Variants in BMP6 observed in about 807,000 individuals in gnomAD.
BMP6 encodes VG-1-R.
Under a neutral mutation model 54.1 loss-of-function variants are expected in BMP6, and 17 were observed. That is an observed-to-expected ratio of 0.31 (90% CI 0.22 to 0.47). BMP6 has a LOEUF of 0.47. BMP6 is among the 20% of genes least tolerant of loss of function. BMP6 has a pLI of 1.00. For synonymous variants in BMP6, 328 were observed against 291.2 expected (o/e 1.13, Z -1.28); for missense variants, 720 against 690.4 (o/e 1.04, Z -0.48).
At chr6:7,876,709 C>T (rs139749466) in intron 4 of BMP6, among the ~76,000 whole-genome samples, 1 of 152,138 alleles carries the variant, frequency 6.6e-6, no homozygotes, top group African/African-American at 2.4e-5. Context: ...TTAATCTGAT[C>T]TTTAGTTATA....
At chr6:7,836,106 G>A (rs1010806076) in intron 1 of BMP6, among the ~76,000 whole-genome samples, 1 of 152,016 alleles carries the variant, frequency 6.6e-6, no homozygotes, top group African/African-American at 2.4e-5. Context: ...CCAAAGTGCT[G>A]GAATTACCCG....
intron 4 of BMP6, among the ~76,000 whole-genome samples, chr6:7,872,804 CT>C (rs1035204084): frequency 1.1e-4 from 13 of 114,536 alleles, no homozygotes; most frequent in Middle Eastern, 4.1e-3. Flanking sequence ...CAATCCAATT[CT>C]TTTTTTTTCT....
intron 1 of BMP6, among the ~76,000 whole-genome samples, chr6:7,781,958 T>C (rs911727240): frequency 2.6e-5 from 4 of 151,412 alleles, no homozygotes; most frequent in Admixed American, 6.6e-5. Flanking sequence ...GTGGTGAGGA[T>C]GGTAGGGGCT....
intron 1 of BMP6, among the ~76,000 whole-genome samples, chr6:7,801,574 G>A (rs1758270523): frequency 1.3e-5 from 2 of 152,246 alleles, no homozygotes; most frequent in Admixed American, 1.3e-4. Flanking sequence ...TGTGACCTCA[G>A]TGGGTTCTGT....
chr6:7,838,471 A>G (rs953111556), intron 1 of BMP6, among the ~76,000 whole-genome samples: 6 of 152,216 alleles, frequency 3.9e-5, no homozygotes, highest in Non-Finnish European at 7.3e-5. Flanking sequence ...AATAGTAAAT[A>G]TATGAAAGCA....
intron 1 of BMP6, among the ~76,000 whole-genome samples, chr6:7,738,732 G>T (rs1350991454): frequency 6.6e-6 from 1 of 152,174 alleles, no homozygotes; most frequent in African/African-American, 2.4e-5. Flanking sequence ...TGACGTATAA[G>T]GAACAGCTTA....
chr6:7,797,044 G>A (rs936373003), intron 1 of BMP6, among the ~76,000 whole-genome samples: 1 of 152,134 alleles, frequency 6.6e-6, no homozygotes, highest in East Asian at 1.9e-4. Context: ...AGATCTCAGT[G>A]TCTCCTTGAA....
At chr6:7,868,022 G>T (rs919829750) in intron 4 of BMP6, among the ~76,000 whole-genome samples, 1 of 152,204 alleles carries the variant, frequency 6.6e-6, no homozygotes, top group East Asian at 1.9e-4. Flanking sequence ...GGGCACTGGG[G>T]CCAGGAGACT....
At chr6:7,854,570 G>T (rs894916505) in intron 2 of BMP6, among the ~76,000 whole-genome samples, 23 of 152,338 alleles carry the variant, frequency 1.5e-4, no homozygotes, top group Admixed American at 2.6e-4. Flanking sequence ...GCCGGGGCAG[G>T]CGGGTCATTT....
At chr6:7,737,872 C>T (rs562869303) in intron 1 of BMP6, among the ~76,000 whole-genome samples, 11 of 152,070 alleles carry the variant, frequency 7.2e-5, no homozygotes, top group East Asian at 3.9e-4. Flanking sequence ...TGCTTATGAT[C>T]GGTTTATTAT....
In BMP6 at chr6:7,838,913, G is replaced by A. The variant is rs370090912; in HGVS notation, c.665-6227G>A. Among the ~76,000 whole-genome samples, 1,122 of 142,682 alleles carry A rather than the reference G, an allele frequency of 7.9e-3. 19 individuals carry two copies. Among genetic ancestry groups the A allele is most frequent in the African/African-American group, 0.029 (1,084 of 37,440 alleles). The allele number at this position is 142,682 out of a possible 152,430, so 93.6% of individuals were successfully genotyped here. On this transcript the variant is annotated intron_variant, in intron 1 of 6. Coordinates refer to ENST00000283147, the MANE Select transcript of BMP6 (RefSeq NM_001718.6). ...GCCGAGATCGCGCCACTGCACTCCA[G>A]CCTGGGTGACAGAGCGAGACTCTGT...
rs79320771 is a variant in BMP6 at position 7,825,776 on chromosome 6, T to C, written c.665-19364T>C. Reference sequence around the variant, plus strand: ...ACTTTAGTGTTTTTCAGAGACATAGTGTTTCCCCAAGTTGTCATTTGAAGT... The same window carrying C: ...ACTTTAGTGTTTTTCAGAGACATAGCGTTTCCCCAAGTTGTCATTTGAAGT... On this transcript the variant is annotated intron_variant, in intron 1 of 6. Coordinates refer to ENST00000283147, the MANE Select transcript of BMP6 (RefSeq NM_001718.6). 8.3e-3 allele frequency among the ~76,000 whole-genome samples: 1,254 copies of C among 151,238 alleles called. 23 individuals are homozygous for C. Among genetic ancestry groups the C allele is most frequent in the African/African-American group, 0.029 (1,213 of 41,188 alleles).
At chr6:7,814,683 T>C (rs1375857482) in intron 1 of BMP6, among the ~76,000 whole-genome samples, 2 of 152,348 alleles carry the variant, frequency 1.3e-5, no homozygotes, top group South Asian at 4.1e-4. Context: ...CACCAGTTCC[T>C]GTTCTGTCCC....
chr6:7,879,208 A>G (rs1354347658), intron 5 of BMP6, 58 bp downstream of exon 5: 7 of 1,526,384 alleles, frequency 4.6e-6, no homozygotes, highest in Non-Finnish European at 6.4e-6. Context: ...CTCTCATCTG[A>G]ATGGTGGCAG....
chr6:7,727,593 A>T lies in BMP6; in HGVS notation c.638A>T (p.Asp213Val), dbSNP rs199583279. 5.7e-6 allele frequency: 9 copies of T among 1,577,466 alleles called. No individual in the cohort carries two copies. Among genetic ancestry groups the T allele is most frequent in the African/African-American group, 4.1e-5 (3 of 73,512 alleles). The stretch of plus-strand genomic sequence containing the variant: ...GACAGCGCCTTCCTCAACGACGCGG[A>T]CATGGTCATGAGCTTTGTGAACCTG... ...AQDSAFLNDADMVMSFVNLVE... is the reference protein window; with the variant it reads ...AQDSAFLNDAVMVMSFVNLVE... Residue 213 changes from aspartate to valine, a missense_variant, in exon 1 of 7, where the codon GAC (aspartate) becomes GTC (valine). Asp to Val is a radical substitution (Grantham distance 152). Around this residue, in one of 3 missense-constraint regions of BMP6, gnomAD observed 650 missense variants for 556.3 expected, o/e 1.17. Transcript: ENST00000283147.
chr6:7,831,402 A>G (rs1190715299), intron 1 of BMP6, among the ~76,000 whole-genome samples: 1 of 152,228 alleles, frequency 6.6e-6, no homozygotes, highest in African/African-American at 2.4e-5. Context: ...TTATGCATGT[A>G]CTAAAACGCC....
rs924749153 is a variant in BMP6, at chr6:7,881,635, T to A, written c.*1292T>A. The stretch of plus-strand genomic sequence containing the variant: ...AAAGCTGAAGTTGTGTGTACAAGAC[T>A]CTTGACAGTTGTGCTTCTCTAGGAG... On this transcript the variant is annotated 3_prime_UTR_variant, in exon 7 of 7. Transcript: ENST00000283147. The A allele has an allele frequency of 6.8e-6, 1 of 146,616 alleles. No homozygotes were observed. Among genetic ancestry groups the A allele is most frequent in the East Asian group, 2.0e-4 (1 of 5,118 alleles). 9.1% of individuals were successfully genotyped at this position (146,616 alleles called of 1,614,324 possible).
intron 2 of BMP6, among the ~76,000 whole-genome samples, chr6:7,849,829 G>A (rs1232810668): frequency 6.6e-6 from 1 of 152,078 alleles, no homozygotes; most frequent in South Asian, 2.1e-4. Flanking sequence ...TCTGTGTTTT[G>A]GCATTTGCAT....
chr6:7,818,958 T>C (rs1356279942), intron 1 of BMP6, among the ~76,000 whole-genome samples: 1 of 152,200 alleles, frequency 6.6e-6, no homozygotes, highest in African/African-American at 2.4e-5. Flanking sequence ...GGATATCCCA[T>C]GTCCAACCAG....
Sources: gnomAD v4.1 joint callset for allele counts (sites outside exome capture counted in the v4.1 genomes callset) on GRCh38, gnomAD v4.1.1 for gene constraint, gnomAD v4.1.1 regional missense constraint, MANE v1.5 for transcripts, NCBI Gene and HGNC (gene_info 2026-07-23, HGNC 2026-07-21) for gene names.